LRP1B: variants seen among roughly 807,000 people sequenced by gnomAD.
LRP1B encodes the protein low-density lipoprotein receptor-related protein 1B.
LRP1B carries 217 observed loss-of-function variants against 556.6 expected under a neutral mutation model. The ratio of observed to expected loss-of-function variants is 0.39; its 90% confidence interval spans 0.35 to 0.44. The LOEUF (loss-of-function observed/expected upper bound fraction) is 0.44. Among genes scored for constraint, LRP1B ranks in the 20% least tolerant of loss-of-function variants. LRP1B has a pLI of 1.00. For missense variants in LRP1B, 5,053 were observed against 5,620.8 expected (o/e 0.90, Z 3.23); for synonymous variants, 2,047 against 1,865.8 (o/e 1.10, Z -2.50).
intron 1 of LRP1B, among the ~76,000 whole-genome samples, chr2:141,960,086 T>G (rs753211435): frequency 6.6e-6 from 1 of 151,868 alleles, no homozygotes; most frequent in Admixed American, 6.6e-5. Context: ...GAGAGGGACA[T>G]AGAATGTGTT....
intron 11 of LRP1B, among the ~76,000 whole-genome samples, chr2:141,046,789 G>C (rs1211440623): frequency 6.6e-6 from 1 of 152,064 alleles, no homozygotes; most frequent in African/African-American, 2.4e-5. Flanking sequence ...GTCCTTGAAA[G>C]TGTCTGTGTT....
At chr2:140,849,461 C>CT (rs1244262526) in intron 29 of LRP1B, among the ~76,000 whole-genome samples, 1 of 151,180 alleles carries the variant, frequency 6.6e-6, no homozygotes, top group Non-Finnish European at 1.5e-5. Flanking sequence ...TATATTTTCT[C>CT]TATGCAAATG....
At chr2:141,357,377 C>T (rs2683833) in intron 3 of LRP1B, among the ~76,000 whole-genome samples, 82,427 of 151,988 alleles carry the variant, frequency 0.54, 23,307 homozygotes, top group Non-Finnish European at 0.63. Context: ...ATAAGAAATA[C>T]CTGTTTTCTT....
chr2:141,314,918 A>G (rs1198057059), intron 3 of LRP1B, among the ~76,000 whole-genome samples: 1 of 146,790 alleles, frequency 6.8e-6, no homozygotes, highest in Non-Finnish European at 1.5e-5. Flanking sequence ...ATACACATAT[A>G]TATATGTATA....
At chr2:141,443,266 T>C (rs1053654356) in intron 3 of LRP1B, among the ~76,000 whole-genome samples, 3 of 152,250 alleles carry the variant, frequency 2.0e-5, no homozygotes, top group South Asian at 4.1e-4. Context: ...CACCCACTTT[T>C]TGATGAGGCT....
chr2:141,194,572 T>C (rs1179134395), intron 6 of LRP1B, among the ~76,000 whole-genome samples: 1 of 152,148 alleles, frequency 6.6e-6, no homozygotes, highest in Non-Finnish European at 1.5e-5. Context: ...AAACTAATTT[T>C]TAAAATTTAC....
intron 60 of LRP1B, among the ~76,000 whole-genome samples, chr2:140,468,498 G>A (rs1419636540): frequency 6.6e-6 from 1 of 152,080 alleles, no homozygotes; most frequent in Non-Finnish European, 1.5e-5. Context: ...CAGAGCTGTG[G>A]GGGTGGAGTC....
chr2:141,681,761 C>A lies in LRP1B; in HGVS notation c.205+128518G>T, dbSNP rs112152981. Among the ~76,000 whole-genome samples, 256 of 152,204 alleles carry A rather than the reference C, an allele frequency of 1.7e-3. 1 individual carries two copies. Among genetic ancestry groups the A allele is most frequent in the African/African-American group, 5.9e-3 (244 of 41,548 alleles). ...TGGCACTATCTATCGTGGGCAAGTC[C>A]CTGAGTTCCTCTGGATATCCTTGTC... On this transcript the variant is annotated intron_variant, in intron 2 of 90. Coordinates refer to ENST00000389484, the MANE Select transcript of LRP1B (RefSeq NM_018557.3).
intron 1 of LRP1B, among the ~76,000 whole-genome samples, chr2:141,953,785 A>G (rs977384691): frequency 2.0e-5 from 3 of 152,098 alleles, no homozygotes; most frequent in South Asian, 2.1e-4. Context: ...TATATATGCC[A>G]TTCATTCATT....
At chr2:140,865,532 G>A (rs932973686) in intron 27 of LRP1B, among the ~76,000 whole-genome samples, 4 of 151,780 alleles carry the variant, frequency 2.6e-5, no homozygotes, top group Admixed American at 2.6e-4. Context: ...CCCTAGCAGT[G>A]GAAGTGTTAC....
intron 16 of LRP1B, chr2:140,992,808 G>A (rs1461239511): frequency 5.3e-5 from 8 of 151,956 alleles, no homozygotes; most frequent in Admixed American, 5.3e-4. Flanking sequence ...ACTAATTATA[G>A]CAATTTAGTA....
At chr2:140,937,111 AAC>A (rs1480421721) in intron 20 of LRP1B, among the ~76,000 whole-genome samples, 1 of 152,188 alleles carries the variant, frequency 6.6e-6, no homozygotes, top group Non-Finnish European at 1.5e-5. Context: ...TATACACAAA[AAC>A]AAATGAGAAA....
intron 32 of LRP1B, among the ~76,000 whole-genome samples, chr2:140,780,113 A>G (rs1348563083): frequency 6.6e-6 from 1 of 152,092 alleles, no homozygotes; most frequent in Non-Finnish European, 1.5e-5. Flanking sequence ...AGGGAAGAAA[A>G]TAGTACAACT....
At chr2:141,339,210 TAA>T (rs199616414) in intron 3 of LRP1B, among the ~76,000 whole-genome samples, 3 of 91,400 alleles carry the variant, frequency 3.3e-5, no homozygotes, top group Admixed American at 9.0e-5. Context: ...TTTATGTCTA[TAA>T]ATTTTTTCCC....
rs577868703 is a variant in LRP1B at position 140,331,259 on chromosome 2, A to G, written c.12223+3194T>C. ...TGCAGCCATAAAAAGGAATGCGATC[A>G]TGTCCTTTGCAGGGACGTGGATGCA... On this transcript the variant is annotated intron_variant, in intron 79 of 90. Coordinates refer to ENST00000389484, the MANE Select transcript of LRP1B (RefSeq NM_018557.3). Among the ~76,000 whole-genome samples, 3 of 152,242 alleles carry G rather than the reference A, an allele frequency of 2.0e-5. No homozygotes were observed. In the East Asian group the frequency reaches 5.8e-4, roughly 30 times the overall value.
At chr2:141,746,509 C>T (rs552106644) in intron 2 of LRP1B, among the ~76,000 whole-genome samples, 14 of 152,206 alleles carry the variant, frequency 9.2e-5, no homozygotes, top group African/African-American at 3.4e-4. Context: ...TGCCACGTGG[C>T]TGCTGCTGGG....
At position 141,568,028 on chromosome 2, in the gene LRP1B, T is replaced by C. The variant is rs145431533; in HGVS notation, c.206-87495A>G. Among the ~76,000 whole-genome samples the C allele has an allele frequency of 3.2e-3, 490 of 150,876 alleles. 25 individuals are homozygous for C. Among genetic ancestry groups the C allele is most frequent in the Non-Finnish European group, 5.8e-3 (389 of 67,276 alleles). On this transcript the variant is annotated intron_variant, in intron 2 of 90. Transcript: ENST00000389484. ...GTTATTCAGGCTTTCAACAAACATT[T>C]ACTAAAAGCATAGAACTGTCCAGAG... is the stretch of plus-strand genomic sequence containing the variant.
At chr2:140,657,859 G>A (rs984389339) in intron 41 of LRP1B, among the ~76,000 whole-genome samples, 1 of 151,710 alleles carries the variant, frequency 6.6e-6, no homozygotes, top group East Asian at 1.9e-4. Context: ...AATTTGTTTC[G>A]AAGTAACCCG....
At chr2:141,267,530 T>C (rs1020153870) in intron 3 of LRP1B, among the ~76,000 whole-genome samples, 4 of 152,094 alleles carry the variant, frequency 2.6e-5, no homozygotes, top group African/African-American at 7.2e-5. Flanking sequence ...TACCTTGTAG[T>C]AGAGTTTTGC....
Sources: gnomAD v4.1 joint callset for allele counts (sites outside exome capture counted in the v4.1 genomes callset) on GRCh38, gnomAD v4.1.1 for gene constraint, MANE v1.5 for transcripts, NCBI Gene and HGNC (gene_info 2026-07-23, HGNC 2026-07-21) for gene names.